The following MLXIP variants were observed in gnomAD, a reference collection of about 807,000 sequenced individuals.
MLXIP encodes MLX-interacting protein.
MLXIP carries 30 observed loss-of-function variants against 87.2 expected under a neutral mutation model. That is an observed-to-expected ratio of 0.34 (90% CI 0.26 to 0.47). The LOEUF (loss-of-function observed/expected upper bound fraction) is 0.47. MLXIP is among the 20% of genes least tolerant of loss of function. The pLI is 1.00. For missense variants in MLXIP, 1,002 were observed against 1,240.1 expected (o/e 0.81, Z 2.88); for synonymous variants, 530 against 514.0 (o/e 1.03, Z -0.42).
intron 1 of MLXIP, among the ~76,000 whole-genome samples, chr12:122,114,533 T>TA (rs1952657245): frequency 6.6e-6 from 1 of 152,188 alleles, no homozygotes; most frequent in African/African-American, 2.4e-5. Flanking sequence ...GACCTTTAGT[T>TA]AGCCTTTCCT....
In MLXIP at chr12:122,133,755, C is replaced by T. The variant is rs1442107573; in HGVS notation, c.1500C>T (p.Thr500=). 1 of 1,613,550 alleles carries T rather than the reference C, an allele frequency of 6.2e-7. No homozygotes were observed. Among genetic ancestry groups the T allele is most frequent in the African/African-American group, 1.3e-5 (1 of 75,070 alleles). ...TCACCCACGATGCCCCCGCCACCAC[C>T]TTTAGCCAGAGTCAGGGCCTTGTGA... The part of the protein sequence containing the change: ...ATLTHDAPAT[T]FSQSQGLVIT... Residue 500 remains threonine (T), a synonymous_variant, in exon 9 of 17, where the codon ACC becomes ACT. Transcript: ENST00000319080. This position sits in a 1 kb window ranked among gnomAD's most constrained non-coding sequence, Gnocchi z 4.9.
At chr12:122,093,002 A>T (rs1370253009) in intron 1 of MLXIP, among the ~76,000 whole-genome samples, 4 of 125,370 alleles carry the variant, frequency 3.2e-5, no homozygotes, top group Non-Finnish European at 3.3e-5. Context: ...TGTTGTGTGT[A>T]TGTGTGGTGT....
chr12:122,101,571 T>A (rs1252455356), intron 1 of MLXIP, among the ~76,000 whole-genome samples: 7 of 99,196 alleles, frequency 7.1e-5, no homozygotes, highest in African/African-American at 1.4e-4. Context: ...TATTTATTTT[T>A]TTCTTTTTTT....
At chr12:122,125,612 G>C (rs1952869287) in intron 1 of MLXIP, among the ~76,000 whole-genome samples, 1 of 152,248 alleles carries the variant, frequency 6.6e-6, no homozygotes. Flanking sequence ...GCTGCCTGCT[G>C]TACCACCGGT....
intron 1 of MLXIP, among the ~76,000 whole-genome samples, chr12:122,108,440 C>T (rs935229770): frequency 2.0e-5 from 3 of 150,392 alleles, no homozygotes; most frequent in Non-Finnish European, 4.4e-5. Context: ...TCAGAGGAAT[C>T]ATATTATCAT....
At chr12:122,082,446 A>G (rs1185368152) in intron 1 of MLXIP, among the ~76,000 whole-genome samples, 1 of 152,210 alleles carries the variant, frequency 6.6e-6, no homozygotes, top group East Asian at 1.9e-4. Context: ...GCAAGGTGGA[A>G]GTGAGGATCA....
Position 122,100,021 on chromosome 12 carries a change from A to AACATGTCAGGGC in MLXIP, c.413+20765_413+20766insGCACATGTCAGG, listed in dbSNP as rs574005909. Among the ~76,000 whole-genome samples the AACATGTCAGGGC allele has an allele frequency of 2.0e-5, 3 of 152,290 alleles. No individual in the cohort carries two copies. The South Asian group carries it at 6.2e-4, about 32-fold the overall frequency. On this transcript the variant is annotated intron_variant, in intron 1 of 16. Transcript: ENST00000319080. ...GGAAGGAGGAAATGCAGAGTGCAAA[A>AACATGTCAGGGC]ACATGTCAGGTCTCTGCCCCAGACA...
rs1953315506 is a variant in MLXIP at position 122,147,047 on chromosome 12, T to C, written c.*5235T>C. The C allele has an allele frequency of 6.6e-6, 1 of 152,262 alleles. No individual in the cohort carries two copies. Among genetic ancestry groups the C allele is most frequent in the Non-Finnish European group, 1.5e-5 (1 of 68,042 alleles). The allele number at this position is 152,262 out of a possible 1,614,324, so 9.4% of individuals were successfully genotyped here. A position where few individuals can be genotyped will look rare whatever the true frequency, so the allele number is the denominator to read the frequency against. On this transcript the variant is annotated 3_prime_UTR_variant, in exon 17 of 17. Transcript: ENST00000319080. ...TTTGTTCACGGCGGAAGCACCATGTTCCGTTCCTTTTTCAGGTTCAGTTTG... is the reference window on the plus strand; with the variant it reads ...TTTGTTCACGGCGGAAGCACCATGTCCCGTTCCTTTTTCAGGTTCAGTTTG...
chr12:122,093,365 G>A (rs1182088062), intron 1 of MLXIP, among the ~76,000 whole-genome samples: 1 of 148,320 alleles, frequency 6.7e-6, no homozygotes, highest in South Asian at 2.2e-4. Context: ...GGTGTGTGGT[G>A]TGTGTTGGTG....
At chr12:122,117,712 G>C (rs1000050326) in intron 1 of MLXIP, among the ~76,000 whole-genome samples, 1 of 152,118 alleles carries the variant, frequency 6.6e-6, no homozygotes, top group African/African-American at 2.4e-5. Flanking sequence ...CTTATCTGAG[G>C]GGGTGTGTTC....
intron 1 of MLXIP, among the ~76,000 whole-genome samples, chr12:122,124,553 C>A (rs916305996): frequency 2.0e-5 from 3 of 149,546 alleles, no homozygotes; most frequent in Non-Finnish European, 4.4e-5. Flanking sequence ...CTGCCCAGGT[C>A]TCTGTTCCTG....
intron 6 of MLXIP, 99 bp downstream of exon 6, chr12:122,130,211 G>C (rs940628608): frequency 1.4e-5 from 17 of 1,250,664 alleles, no homozygotes; most frequent in Admixed American, 2.4e-5. Flanking sequence ...TCTCTGAGCT[G>C]CTGCACGTCA....
At chr12:122,088,943 G>T (rs144012846) in intron 1 of MLXIP, among the ~76,000 whole-genome samples, 2 of 150,602 alleles carry the variant, frequency 1.3e-5, no homozygotes, top group African/African-American at 4.9e-5. Context: ...AGGTTGAGGC[G>T]GGAGGACTGC....
rs1159223373 is a variant in MLXIP, at chr12:122,144,129, G to T, written c.*2317G>T. 1.3e-5 allele frequency: 2 copies of T among 152,646 alleles called. No homozygotes were observed. The highest frequency in any genetic ancestry group is 2.9e-5 in the Non-Finnish European group (2 of 68,068). 9.5% of individuals were successfully genotyped at this position (152,646 alleles called of 1,614,324 possible). Reference sequence around the variant, plus strand: ...GGCCTAGATTTGACCTCTGTCCTGGGCTCCTGGGCCAGGTGCAGGAACATC... The same window carrying T: ...GGCCTAGATTTGACCTCTGTCCTGGTCTCCTGGGCCAGGTGCAGGAACATC... On this transcript the variant is annotated 3_prime_UTR_variant, in exon 17 of 17. Transcript: ENST00000319080.
In MLXIP at chr12:122,104,582, T is replaced by C. The variant is rs963901838; in HGVS notation, c.414-22674T>C. On this transcript the variant is annotated intron_variant, in intron 1 of 16. Coordinates refer to ENST00000319080, the MANE Select transcript of MLXIP (RefSeq NM_014938.6). ...TTACCATAATTACCTTTTCTTTTTT[T>C]TTTTTTTTTTTTTTTGAGACGGAGT... Among the ~76,000 whole-genome samples the C allele has an allele frequency of 4.2e-5, 6 of 142,380 alleles. 1 individual carries two copies. The South Asian group carries it at 1.2e-3, about 27-fold the overall frequency. The allele number at this position is 142,380 out of a possible 152,430, so 93.4% of individuals were successfully genotyped here.
At chr12:122,089,405 A>G (rs553356687) in intron 1 of MLXIP, among the ~76,000 whole-genome samples, 7 of 152,358 alleles carry the variant, frequency 4.6e-5, no homozygotes, top group African/African-American at 1.4e-4. Flanking sequence ...GTATATAATT[A>G]TCCTAGCTTG....
intron 1 of MLXIP, among the ~76,000 whole-genome samples, chr12:122,094,369 ATGTT>A (rs1435721716): frequency 3.5e-5 from 3 of 86,940 alleles, no homozygotes; most frequent in African/African-American, 4.7e-5. Flanking sequence ...CGGTGGGTGT[ATGTT>A]TGCAGTGTCT....
rs368018519 is a variant in MLXIP at position 122,091,805 on chromosome 12, CT to C, written c.413+12540del. Among the ~76,000 whole-genome samples the C allele has an allele frequency of 6.4e-4, 97 of 152,254 alleles. 1 individual carries two copies. In the South Asian group the frequency reaches 0.011, roughly 18 times the overall value. On this transcript the variant is annotated intron_variant, in intron 1 of 16. Transcript: ENST00000319080. Reference sequence around the variant, plus strand: ...CTGTGGTGGTGAACTAGAGTGTTTGCTGAAAGAGCAGCCATCACTTAACTTC... The same window carrying C: ...CTGTGGTGGTGAACTAGAGTGTTTGCGAAAGAGCAGCCATCACTTAACTTC...
chr12:122,105,249 C>T (rs1299549448), intron 1 of MLXIP, among the ~76,000 whole-genome samples: 1 of 152,174 alleles, frequency 6.6e-6, no homozygotes, highest in African/African-American at 2.4e-5. Context: ...GAGCTCCTTA[C>T]ACCTTAAGGA....
Sources: gnomAD v4.1 joint callset for allele counts (sites outside exome capture counted in the v4.1 genomes callset) on GRCh38, gnomAD v4.1.1 for gene constraint, Gnocchi (gnomAD v3.1) non-coding constraint, MANE v1.5 for transcripts, NCBI Gene and HGNC (gene_info 2026-07-23, HGNC 2026-07-21) for gene names.